SPRED1: variants seen among roughly 807,000 people sequenced by gnomAD.
SPRED1 encodes the protein sprouty related EVH1 domain containing 1, also known as sprouty-related, EVH1 domain-containing protein 1.
Under a neutral mutation model 52.3 loss-of-function variants are expected in SPRED1, and 18 were observed. The ratio of observed to expected loss-of-function variants is 0.34; its 90% CI spans 0.24 to 0.51. SPRED1 has a LOEUF of 0.51. SPRED1 is among the 20% of genes least tolerant of loss of function. The pLI, the probability that SPRED1 is intolerant of heterozygous loss-of-function variation, is 0.97. For synonymous variants in SPRED1, 155 were observed against 179.7 expected, an observed-to-expected ratio of 0.86 and a Z score of 1.10; for missense variants, 485 against 551.0, an observed-to-expected ratio of 0.88 and a Z score of 1.20.
intron 5 of SPRED1, among the ~76,000 whole-genome samples, chr15:38,344,752 A>G (rs1263233564): frequency 6.6e-6 from 1 of 152,196 alleles, no homozygotes; most frequent in Non-Finnish European, 1.5e-5. Flanking sequence ...TATATAAAGC[A>G]CTTAGGAAAA....
chr15:38,320,686 CAT>C (rs1169469991), intron 2 of SPRED1, among the ~76,000 whole-genome samples: 1 of 152,060 alleles, frequency 6.6e-6, no homozygotes, highest in Non-Finnish European at 1.5e-5. Context: ...TATTATGTGT[CAT>C]GTGCTACTAT....
chr15:38,256,822 C>CACAT (rs1329994187), intron 1 of SPRED1, among the ~76,000 whole-genome samples: 105 of 150,868 alleles, frequency 7.0e-4, no homozygotes, highest in African/African-American at 2.4e-3. Flanking sequence ...CACACACACA[C>CACAT]ATATATATAT....
At chr15:38,339,970 T>C in intron 5 of SPRED1, 75 bp downstream of exon 5, 1 of 1,560,836 alleles carries the variant, frequency 6.4e-7, no homozygotes, top group Non-Finnish European at 8.8e-7. Flanking sequence ...ATAAGGACGT[T>C]AAAACCATCT....
intron 1 of SPRED1, among the ~76,000 whole-genome samples, chr15:38,274,302 TG>T (rs71417101): frequency 6.6e-6 from 1 of 152,170 alleles, no homozygotes; most frequent in African/African-American, 2.4e-5. Context: ...GAAGGTGTAC[TG>T]GGGGGAACTG....
At position 38,355,726 on chromosome 15, in the gene SPRED1, AATT is replaced by A. The variant is rs1372607265; in HGVS notation, c.*4068_*4070del. On this transcript the variant is annotated 3_prime_UTR_variant, in exon 7 of 7. Transcript: ENST00000299084. Reference sequence around the variant, plus strand: ...ACCTGAAAAGCAAGGATTCTTTACTAATTATTATGCTCATTCTTGATTTGACTT... The same window carrying A: ...ACCTGAAAAGCAAGGATTCTTTACTAATTATGCTCATTCTTGATTTGACTT... 1.3e-5 allele frequency: 2 copies of A among 152,238 alleles called. No individual in the cohort carries two copies. The highest frequency in any genetic ancestry group is 2.1e-4 in the South Asian group (1 of 4,836). The allele number at this position is 152,238 out of a possible 1,614,324, so 9.4% of individuals were successfully genotyped here.
intron 1 of SPRED1, among the ~76,000 whole-genome samples, chr15:38,272,977 T>C (rs1419834699): frequency 6.6e-6 from 1 of 152,198 alleles, no homozygotes; most frequent in Non-Finnish European, 1.5e-5. Context: ...TTTCTCCCGT[T>C]CTGTAGGTTT....
At chr15:38,302,390 T>A (rs539070977) in intron 2 of SPRED1, among the ~76,000 whole-genome samples, 1 of 152,136 alleles carries the variant, frequency 6.6e-6, no homozygotes, top group Non-Finnish European at 1.5e-5. Context: ...ATTTTTATTT[T>A]TTTATTTTTT....
At chr15:38,312,206 A>G (rs16966718) in intron 2 of SPRED1, among the ~76,000 whole-genome samples, 4,959 of 152,194 alleles carry the variant, frequency 0.033, 126 homozygotes, top group Middle Eastern at 0.051. Context: ...TGCTGTATCA[A>G]TTGGTTCATA....
rs746414913 is a variant in SPRED1 at position 38,351,630 on chromosome 15, G to T, written c.1301G>T (p.Gly434Val). ...TGCCATCGCTGTGGTGAGGCATGTGGTTGCTGTGGTGGGAAACATAAAGCT... is the reference window on the plus strand; with the variant it reads ...TGCCATCGCTGTGGTGAGGCATGTGTTTGCTGTGGTGGGAAACATAAAGCT... ...RMCHRCGEAC[G>V]CCGGKHKAAG Residue 434 changes from glycine to valine, a missense_variant, in exon 7 of 7, where the codon GGT becomes GTT. Coordinates refer to ENST00000299084, the MANE Select transcript of SPRED1 (RefSeq NM_152594.3). 1.1e-5 allele frequency: 17 copies of T among 1,613,830 alleles called. No homozygotes were observed. Among genetic ancestry groups the T allele is most frequent in the Non-Finnish European group, 1.4e-5 (17 of 1,179,982 alleles).
chr15:38,312,859 T>C (rs1244798439), intron 2 of SPRED1, among the ~76,000 whole-genome samples: 1 of 151,988 alleles, frequency 6.6e-6, no homozygotes, highest in African/African-American at 2.4e-5. Flanking sequence ...TAACATAGTT[T>C]ATTTGTACTT....
rs1184012360 is a variant in SPRED1, at chr15:38,322,410, G to A, written c.376+1G>A. On this transcript the variant is annotated splice_donor_variant, in intron 3 of 6. Coordinates refer to ENST00000299084, the MANE Select transcript of SPRED1 (RefSeq NM_152594.3). LOFTEE classifies it high-confidence loss of function. ...AGAGCTATAGAGGATATTTCTCAAG[G>A]TAGGTATTCTTGACTATTTTCTTAA... 6.2e-7 allele frequency: 1 copy of A among 1,613,020 alleles called. No individual in the cohort carries two copies.
At chr15:38,265,570 G>A (rs181412309) in intron 1 of SPRED1, among the ~76,000 whole-genome samples, 1 of 151,792 alleles carries the variant, frequency 6.6e-6, no homozygotes, top group Non-Finnish European at 1.5e-5. Context: ...TGAAGAGGTA[G>A]ATGTAACTAG....
At chr15:38,281,901 G>C (rs1894698696) in intron 1 of SPRED1, among the ~76,000 whole-genome samples, 1 of 152,128 alleles carries the variant, frequency 6.6e-6, no homozygotes, top group South Asian at 2.1e-4. Context: ...AGAAGTTCCT[G>C]AAATTTCTAG....
At chr15:38,343,927 T>TA (rs1481537034) in intron 5 of SPRED1, among the ~76,000 whole-genome samples, 2 of 151,978 alleles carry the variant, frequency 1.3e-5, no homozygotes, top group Admixed American at 1.3e-4. Context: ...TGAAATTTTA[T>TA]AAAAAATTAA....
intron 5 of SPRED1, among the ~76,000 whole-genome samples, chr15:38,344,263 G>A (rs1337707670): frequency 6.6e-6 from 1 of 152,160 alleles, no homozygotes; most frequent in Non-Finnish European, 1.5e-5. Context: ...TCATACAGTT[G>A]AGCAGGGAAA....
chr15:38,322,158 G>A, intron 2 of SPRED1, 83 bp from the exon 3 acceptor site: 5 of 1,318,012 alleles, frequency 3.8e-6, no homozygotes, highest in Non-Finnish European at 4.4e-6. Flanking sequence ...TAATAGCGTT[G>A]TATCACCTCA....
chr15:38,272,643 A>G (rs1285178754), intron 1 of SPRED1, among the ~76,000 whole-genome samples: 1 of 152,180 alleles, frequency 6.6e-6, no homozygotes, highest in Non-Finnish European at 1.5e-5. Context: ...ACTAATTTAC[A>G]TTCCCAGCAT....
chr15:38,292,069 G>A (rs1261212599), intron 1 of SPRED1, among the ~76,000 whole-genome samples: 1 of 152,120 alleles, frequency 6.6e-6, no homozygotes, highest in African/African-American at 2.4e-5. Context: ...TGAATGCTTT[G>A]CTGCTTAGAA....
rs542406877 is a variant in SPRED1 at position 38,314,815 on chromosome 15, T to C, written c.208-7426T>C. Reference sequence around the variant, plus strand: ...ATAAAGTGCCATAATTATGAAAATATGATACCATTTTCTTTCCTTCTCTCC... The same window carrying C: ...ATAAAGTGCCATAATTATGAAAATACGATACCATTTTCTTTCCTTCTCTCC... On this transcript the variant is annotated intron_variant, in intron 2 of 6. Coordinates refer to ENST00000299084, the MANE Select transcript of SPRED1 (RefSeq NM_152594.3). Among the ~76,000 whole-genome samples the C allele has an allele frequency of 1.1e-4, 16 of 152,026 alleles. 1 individual carries two copies. The South Asian group carries it at 1.5e-3, about 14-fold the overall frequency.
Sources: allele counts gnomAD v4.1 joint callset (sites outside exome capture counted in the v4.1 genomes callset), GRCh38; gene constraint gnomAD v4.1.1; transcripts MANE v1.5; gene names NCBI Gene and HGNC (gene_info 2026-07-23, HGNC 2026-07-21).